Variants in SLC25A48 observed in about 807,000 individuals in gnomAD.
SLC25A48 encodes solute carrier family 25 member 48, also known as CTC-321K16.1.
Under a neutral mutation model 32.2 loss-of-function variants are expected in SLC25A48, and 29 were observed. That is an observed-to-expected ratio of 0.90 (90% CI 0.67 to 1.23). The LOEUF is 1.23. SLC25A48 is among the 50% of genes most tolerant of loss of function. The pLI is 0.00. For missense variants in SLC25A48, 399 were observed against 422.7 expected (o/e 0.94, Z 0.49); for synonymous variants, 164 against 172.3 (o/e 0.95, Z 0.38).
chr5:135,807,786 TAATA>T (rs2126648497), intron 3 of SLC25A48, among the ~76,000 whole-genome samples: 1 of 150,636 alleles, frequency 6.6e-6, no homozygotes, highest in South Asian at 2.1e-4. Flanking sequence ...GTGTTTACAT[TAATA>T]AATATCATAG....
Position 135,759,986 on chromosome 5 carries a change from C to T in SLC25A48, c.-520-52537C>T, listed in dbSNP as rs538930100. Among the ~76,000 whole-genome samples, 432 of 152,030 alleles carry T rather than the reference C, an allele frequency of 2.8e-3. 2 individuals carry two copies. Among genetic ancestry groups the T allele is most frequent in the Non-Finnish European group, 5.2e-3 (351 of 67,984 alleles). ...CTGGGACTATAGGCATGCACCACCA[C>T]GTCCAGCTAATTTTTGTATTTTTTG... is the stretch of plus-strand genomic sequence containing the variant. On this transcript the variant is annotated intron_variant, in intron 3 of 10. Coordinates refer to the SLC25A48 transcript ENST00000646290.
intron 3 of SLC25A48, among the ~76,000 whole-genome samples, chr5:135,797,792 T>A (rs1188021789): frequency 6.6e-6 from 1 of 151,814 alleles, no homozygotes; most frequent in Middle Eastern, 3.2e-3. Context: ...TCAGGGGATG[T>A]ACACCAGCCC....
chr5:135,825,908 A>C (rs1758033148), intron 4 of SLC25A48: 1 of 152,244 alleles, frequency 6.6e-6, no homozygotes, highest in African/African-American at 2.4e-5. Context: ...GGGCTGGTGC[A>C]GTCACACCAC....
intron 3 of SLC25A48, among the ~76,000 whole-genome samples, chr5:135,748,636 T>C (rs1014464757): frequency 6.6e-6 from 1 of 152,152 alleles, no homozygotes; most frequent in African/African-American, 2.4e-5. Context: ...CTTGCTTAAG[T>C]TCTCACAGCC....
At chr5:135,693,834 G>T (rs904391024) in intron 3 of SLC25A48, among the ~76,000 whole-genome samples, 1 of 152,194 alleles carries the variant, frequency 6.6e-6, no homozygotes, top group African/African-American at 2.4e-5. Flanking sequence ...GGCCTGCTGG[G>T]TCCCTGCCCC....
At chr5:135,709,414 G>T (rs1040242444) in intron 3 of SLC25A48, among the ~76,000 whole-genome samples, 4 of 152,232 alleles carry the variant, frequency 2.6e-5, no homozygotes, top group African/African-American at 9.6e-5. Context: ...TTAACCCACG[G>T]GTCCTGGCTT....
intron 3 of SLC25A48, among the ~76,000 whole-genome samples, chr5:135,740,314 C>T (rs968747979): frequency 6.6e-6 from 1 of 152,076 alleles, no homozygotes; most frequent in Non-Finnish European, 1.5e-5. Flanking sequence ...ATGCCTCAGC[C>T]TCCCAAGTAG....
Position 135,749,146 on chromosome 5 carries a change from C to T in SLC25A48, c.-520-63377C>T, listed in dbSNP as rs536301146. Reference sequence around the variant, plus strand: ...TTTAGATCTCTCTTTTGTCTCTAGTCACACAGGGTTCTCCCACTCTGCACT... The same window carrying T: ...TTTAGATCTCTCTTTTGTCTCTAGTTACACAGGGTTCTCCCACTCTGCACT... On this transcript the variant is annotated intron_variant, in intron 3 of 10. Transcript: ENST00000646290. Among the ~76,000 whole-genome samples, 39 of 152,244 alleles carry T rather than the reference C, an allele frequency of 2.6e-4. No homozygotes were observed. The South Asian group carries it at 5.2e-3, about 20-fold the overall frequency.
intron 3 of SLC25A48, chr5:135,671,819 C>G (rs1455615659): frequency 1.3e-5 from 2 of 152,188 alleles, no homozygotes; most frequent in African/African-American, 4.8e-5. Flanking sequence ...TAAAAATTAT[C>G]TACCAACTCA....
intron 1 of SLC25A48, among the ~76,000 whole-genome samples, chr5:135,837,429 C>T (rs1185878146): frequency 6.6e-6 from 1 of 152,208 alleles, no homozygotes; most frequent in Non-Finnish European, 1.5e-5. Context: ...TATTTCCTTC[C>T]TCCTCAGTGT....
intron 3 of SLC25A48, among the ~76,000 whole-genome samples, chr5:135,708,162 CCTAA>C (rs1754565878): frequency 2.0e-5 from 3 of 152,134 alleles, no homozygotes; most frequent in African/African-American, 4.8e-5. Flanking sequence ...CCTTTTGTTT[CCTAA>C]CTTTTTATTA....
chr5:135,877,837 A>C (rs1561558557), intron 6 of SLC25A48, among the ~76,000 whole-genome samples: 1 of 152,150 alleles, frequency 6.6e-6, no homozygotes, highest in South Asian at 2.1e-4. Flanking sequence ...CCATGGGGAC[A>C]CTGCCAGGCT....
intron 1 of SLC25A48, among the ~76,000 whole-genome samples, chr5:135,604,516 C>CTTGCTCTT (rs35478720): frequency 6.6e-6 from 1 of 152,214 alleles, no homozygotes; most frequent in African/African-American, 2.4e-5. Flanking sequence ...CCAACGGCTC[C>CTTGCTCTT]TTGCTCTTTT....
At chr5:135,648,452 A>G (rs1261122573) in intron 3 of SLC25A48, 1 of 152,244 alleles carries the variant, frequency 6.6e-6, no homozygotes, top group East Asian at 1.9e-4. Flanking sequence ...TTCTCTTAAA[A>G]ACTAGAACCA....
intron 3 of SLC25A48, among the ~76,000 whole-genome samples, chr5:135,714,088 C>T (rs1165720598): frequency 6.6e-6 from 1 of 152,194 alleles, no homozygotes; most frequent in Admixed American, 6.5e-5. Context: ...CCTGCCCGCC[C>T]CACCCCTACC....
At chr5:135,754,874 T>G (rs1326111985) in intron 3 of SLC25A48, among the ~76,000 whole-genome samples, 1 of 152,040 alleles carries the variant, frequency 6.6e-6, no homozygotes, top group East Asian at 1.9e-4. Flanking sequence ...GTGTCCAGTG[T>G]TTATACACTG....
At position 135,770,252 on chromosome 5, in the gene SLC25A48, T is replaced by A. The variant is rs541611064; in HGVS notation, c.-520-42271T>A. Among the ~76,000 whole-genome samples the A allele has an allele frequency of 6.0e-5, 9 of 149,798 alleles. No homozygotes were observed. The East Asian group carries it at 1.8e-3, about 30-fold the overall frequency. ...CCTAATATTTAAGAGGAGGAGAGGA[T>A]GATATTACTCCCAATATTGCAGGGG... On this transcript the variant is annotated intron_variant, in intron 3 of 10. Coordinates refer to the SLC25A48 transcript ENST00000646290.
At chr5:135,626,575 T>C (rs752602577) in intron 1 of SLC25A48, among the ~76,000 whole-genome samples, 16 of 152,208 alleles carry the variant, frequency 1.1e-4, no homozygotes, top group Non-Finnish European at 2.2e-4. Context: ...TCTGTGTGTG[T>C]GTGTGCTTGC....
intron 4 of SLC25A48, among the ~76,000 whole-genome samples, chr5:135,815,544 G>A (rs946917596): frequency 2.0e-5 from 3 of 152,312 alleles, no homozygotes; most frequent in South Asian, 2.1e-4. Flanking sequence ...ACACAGAAAG[G>A]CCTGAGGGGC....
Sources: allele counts gnomAD v4.1 joint callset (sites outside exome capture counted in the v4.1 genomes callset), GRCh38; gene constraint gnomAD v4.1.1; transcripts MANE v1.5; gene names NCBI Gene and HGNC (gene_info 2026-07-23, HGNC 2026-07-21).